The following TRIM51 variants were observed in gnomAD, a reference collection of about 807,000 sequenced individuals.
TRIM51 encodes the protein tripartite motif-containing 51, also known as tripartite motif-containing protein 51.
Under a neutral mutation model 32.7 loss-of-function variants are expected in TRIM51, and 23 were observed. The ratio of observed to expected loss-of-function variants is 0.70; its 90% confidence interval spans 0.51 to 1.00. TRIM51 has a LOEUF of 1.00. TRIM51 is among the 50% of genes least tolerant of loss of function. The probability of loss-of-function intolerance (pLI) is 0.00; values close to 1 mark genes in which losing one functional copy is unlikely to be tolerated. For synonymous variants in TRIM51, 177 were observed against 181.9 expected, an observed-to-expected ratio of 0.97 and a Z score of 0.22; for missense variants, 592 against 539.2, an observed-to-expected ratio of 1.10 and a Z score of -0.97.
intron 6 of TRIM51, among the ~76,000 whole-genome samples, chr11:55,890,906 A>G (rs1590635667): frequency 6.6e-6 from 1 of 152,270 alleles, no homozygotes; most frequent in East Asian, 1.9e-4. Flanking sequence ...TCGACTCTCA[A>G]TTTTTAAGTT....
Position 55,891,638 on chromosome 11 carries a change from G to A in TRIM51, c.*6G>A, listed in dbSNP as rs773521418. On this transcript the variant is annotated 3_prime_UTR_variant, in exon 7 of 7. Coordinates refer to ENST00000449290, the MANE Select transcript of TRIM51 (RefSeq NM_032681.4). ...TTTGCTGTAGTCACTTCTGACCAGA[G>A]AAAAGTCAGAAATGTGCCTGTATGC... The A allele has an allele frequency of 1.9e-6, 3 of 1,612,436 alleles. No homozygotes were observed. In the African/African-American group the frequency reaches 4.0e-5, roughly 22 times the overall value.
chr11:55,888,884 T>G, intron 4 of TRIM51, 95 bp from the exon 5 acceptor site: 1 of 1,115,126 alleles, frequency 9.0e-7, no homozygotes, highest in East Asian at 2.3e-5. Flanking sequence ...AGGAAAATAG[T>G]ATCTTCAGAA....
At chr11:55,889,895 T>C (rs1164928341) in intron 5 of TRIM51, 47 bp from the exon 6 acceptor site, 1 of 1,352,750 alleles carries the variant, frequency 7.4e-7, no homozygotes, top group Admixed American at 1.7e-5. Flanking sequence ...GTTTTTTATG[T>C]ATTTTTTTTG....
rs114602644 is a variant in TRIM51 at position 55,889,719 on chromosome 11, C to T, written c.762-223C>T. Among the ~76,000 whole-genome samples, 771 of 152,190 alleles carry T rather than the reference C, an allele frequency of 5.1e-3. 10 individuals are homozygous for T. The highest frequency in any genetic ancestry group is 0.018 in the African/African-American group (738 of 41,518). On this transcript the variant is annotated intron_variant, in intron 5 of 6. Coordinates refer to ENST00000449290, the MANE Select transcript of TRIM51 (RefSeq NM_032681.4). ...TGATCCTTACTAACTAGGAGCAATACGAAGAAAGATCCTAATGAATTCTCA... is the reference window on the plus strand; with the variant it reads ...TGATCCTTACTAACTAGGAGCAATATGAAGAAAGATCCTAATGAATTCTCA...
In TRIM51 at chr11:55,888,039, T is replaced by C. The variant is rs1211040771; in HGVS notation, c.515T>C (p.Val172Ala). Residue 172 changes from valine (V) to alanine (A), a missense_variant, in exon 4 of 7, where the codon GTG becomes GCG. Val to Ala is a moderately conservative substitution (Grantham distance 64). Transcript: ENST00000449290. The part of the protein sequence containing the change: ...TTRTRCWKDY[V>A]SLRIEAIRAE... ...GACTAATTGTCACTGCAGGATTATG[T>C]GAGTTTAAGGATAGAAGCAATCAGA... 16 of 1,594,124 alleles carry C rather than the reference T, an allele frequency of 1.0e-5. No individual in the cohort carries two copies. Among genetic ancestry groups the C allele is most frequent in the Middle Eastern group, 3.4e-4 (2 of 5,952 alleles).
intron 6 of TRIM51, among the ~76,000 whole-genome samples, chr11:55,890,585 CTAGGTGTAAAATCCAAAA>C (rs1383096774): frequency 1.5e-4 from 23 of 152,050 alleles, no homozygotes; most frequent in Non-Finnish European, 4.4e-5. Context: ...ACATGAAGAG[CTAGGTGTAAAATCCAAAA>C]TTCGGTTTCA....
chr11:55,885,875 G>A, intron 2 of TRIM51, 36 bp downstream of exon 2: 1 of 1,611,116 alleles, frequency 6.2e-7, no homozygotes. Flanking sequence ...TTCTATACAG[G>A]ACACATGAAA....
intron 3 of TRIM51, 58 bp downstream of exon 3, chr11:55,886,276 C>G (rs1229591517): frequency 3.8e-6 from 5 of 1,317,924 alleles, no homozygotes; most frequent in Non-Finnish European, 5.4e-6. Context: ...ATGGGTGACT[C>G]TTAAAATAGG....
At position 55,888,021 on chromosome 11, in the gene TRIM51, T is replaced by A. The variant is rs377605825; in HGVS notation, c.508-11T>A. ...GTAAAACATTTCTATTTTGACTAAT[T>A]GTCACTGCAGGATTATGTGAGTTTA... On this transcript the variant is annotated splice_polypyrimidine_tract_variant and intron_variant, in intron 3 of 6. Transcript: ENST00000449290. The A allele has an allele frequency of 2.0e-6, 3 of 1,530,660 alleles. No homozygotes were observed. Among genetic ancestry groups the A allele is most frequent in the African/African-American group, 2.7e-5 (2 of 73,232 alleles). The allele number at this position is 1,530,660 out of a possible 1,614,324, so 94.8% of individuals were successfully genotyped here. A position where few individuals can be genotyped will look rare whatever the true frequency, so the allele number is the denominator to read the frequency against.
chr11:55,889,839 G>A (rs1484229862), intron 5 of TRIM51, 103 bp from the exon 6 acceptor site: 3 of 774,574 alleles, frequency 3.9e-6, no homozygotes, highest in African/African-American at 3.5e-5. Context: ...TAGCAAATGT[G>A]TGGGTTAAAG....
rs1194657899 is a variant in TRIM51, at chr11:55,891,302, G to A, written c.1029G>A (p.Trp343Ter). ...CTTTCACATCTGGCAAATATTATTG[G>A]GAGGTTCATATGGGGGACTCTTGGA... is the stretch of plus-strand genomic sequence containing the variant. ...AQAFTSGKYY[W>*]EVHMGDSWNW... is the part of the protein sequence containing the mutation. The change falls in exon 7 of 7, where the codon TGG becomes TGA. Residue 343 changes from tryptophan to a stop codon, truncating the protein, a stop_gained. Transcript: ENST00000449290. LOFTEE classifies it low-confidence loss of function (END_TRUNC). The A allele has an allele frequency of 1.9e-6, 3 of 1,611,254 alleles. No homozygotes were observed. In the Admixed American group the frequency reaches 5.0e-5, roughly 27 times the overall value.
chr11:55,888,286 A>G (rs369268680), intron 4 of TRIM51, 24 bp downstream of exon 4: 34 of 1,562,100 alleles, frequency 2.2e-5, no homozygotes, highest in East Asian at 1.8e-4. Flanking sequence ...ATGGGGTATC[A>G]TGATGTTGAA....
chr11:55,888,004 T>C (rs1167237539), intron 3 of TRIM51, 28 bp from the exon 4 acceptor site: 1 of 1,476,580 alleles, frequency 6.8e-7, no homozygotes, highest in Non-Finnish European at 9.5e-7. Context: ...GGGTAAAACA[T>C]TTCTATTTTG....
At chr11:55,888,288 G>A in intron 4 of TRIM51, 26 bp downstream of exon 4, 1 of 1,548,586 alleles carries the variant, frequency 6.5e-7, no homozygotes, top group East Asian at 2.2e-5. Context: ...GGGGTATCAT[G>A]ATGTTGAACA....
Position 55,885,760 on chromosome 11 carries a change from T to G in TRIM51, c.332T>G (p.Leu111Arg). 1.2e-6 allele frequency: 2 copies of G among 1,611,784 alleles called. No homozygotes were observed. Among genetic ancestry groups the G allele is most frequent in the Non-Finnish European group, 1.7e-6 (2 of 1,179,722 alleles). The change falls in exon 2 of 7, where the codon CTC becomes CGC. Residue 111 changes from leucine (L) to arginine (R), a missense_variant. Physicochemically the swap from Leu to Arg is moderately radical, Grantham distance 102. Coordinates refer to ENST00000449290, the MANE Select transcript of TRIM51 (RefSeq NM_032681.4). ...KMFCEVDKSL[L>R]CLPCSNSQEH... ...TTCTGTGAAGTGGACAAGAGCCTGC[T>G]CTGTTTGCCGTGCTCCAACTCTCAG... is the stretch of plus-strand genomic sequence containing the variant.
chr11:55,886,307 T>C (rs1310170154), intron 3 of TRIM51, 89 bp downstream of exon 3: 10 of 1,054,830 alleles, frequency 9.5e-6, no homozygotes, highest in African/African-American at 3.2e-5. Flanking sequence ...CAACCCATAA[T>C]GTTTCTGGAA....
At position 55,889,933 on chromosome 11, in the gene TRIM51, C is replaced by T. The variant is rs1214989390; in HGVS notation, c.762-9C>T. 1.1e-5 allele frequency: 17 copies of T among 1,608,484 alleles called. No homozygotes were observed. Among genetic ancestry groups the T allele is most frequent in the African/African-American group, 2.7e-5 (2 of 74,704 alleles). On this transcript the variant is annotated splice_polypyrimidine_tract_variant and intron_variant, in intron 5 of 6. Coordinates refer to ENST00000449290, the MANE Select transcript of TRIM51 (RefSeq NM_032681.4). ...TGTAGATGTGATAACCCTATCTTTC[C>T]CCTTGCAGGTATGAGTCTCTGCTGC...
intron 5 of TRIM51, among the ~76,000 whole-genome samples, chr11:55,889,518 A>C (rs1382088947): frequency 5.9e-5 from 9 of 152,150 alleles, no homozygotes; most frequent in African/African-American, 2.2e-4. Context: ...CCTCAACTAC[A>C]AAAGGCAGAT....
At chr11:55,887,112 G>A (rs1854587377) in intron 3 of TRIM51, among the ~76,000 whole-genome samples, 1 of 151,938 alleles carries the variant, frequency 6.6e-6, no homozygotes, top group South Asian at 2.1e-4. Flanking sequence ...AAGCAGGAAA[G>A]TAGAAAAGGA....
Sources: gnomAD v4.1 joint callset for allele counts (sites outside exome capture counted in the v4.1 genomes callset) on GRCh38, gnomAD v4.1.1 for gene constraint, MANE v1.5 for transcripts, NCBI Gene and HGNC (gene_info 2026-07-23, HGNC 2026-07-21) for gene names.